The following CYREN variants were observed in gnomAD, a reference collection of about 807,000 sequenced individuals.
The protein encoded by CYREN is cell cycle regulator of NHEJ, also known as cell cycle regulator of non-homologous end joining.
In CYREN, 7 loss-of-function variants were observed where a neutral mutation model predicts 9.7. The ratio of observed to expected loss-of-function variants is 0.72; its 90% CI spans 0.41 to 1.36. CYREN has a LOEUF of 1.36. CYREN is among the 40% of genes most tolerant of loss of function. The pLI is 0.01. For synonymous variants in CYREN, 76 were observed against 77.9 expected, an observed-to-expected ratio of 0.98 and a Z score of 0.13; for missense variants, 215 against 198.1, an observed-to-expected ratio of 1.09 and a Z score of -0.51.
In CYREN at chr7:135,157,317, A is replaced by C. The variant is rs1004556837; in HGVS notation, n.356+11432T>G. ...ATGCCTGCAGTCGTGTGATCTTTCTATGACTTCTTCGGCATAGGGTCAGTG... is the reference window on the plus strand; with the variant it reads ...ATGCCTGCAGTCGTGTGATCTTTCTCTGACTTCTTCGGCATAGGGTCAGTG... On this transcript the variant is annotated intron_variant and non_coding_transcript_variant, in intron 2 of 2. Coordinates refer to the CYREN transcript ENST00000459937. 5.9e-5 allele frequency among the ~76,000 whole-genome samples: 9 copies of C among 152,200 alleles called. No individual in the cohort carries two copies. In the East Asian group the frequency reaches 1.5e-3, roughly 26 times the overall value.
intron 2 of CYREN, among the ~76,000 whole-genome samples, chr7:135,123,391 T>G (rs1827414609): frequency 6.6e-6 from 1 of 152,136 alleles, no homozygotes. Context: ...AATGTGGGAC[T>G]TCATAAAAAG....
At chr7:135,164,204 T>C (rs1830021395), downstream of CYREN, among the ~76,000 whole-genome samples, 1 of 152,268 alleles carries the variant, frequency 6.6e-6, no homozygotes, top group African/African-American at 2.4e-5. Context: ...GAGAGACTTT[T>C]CCTCCTGACC....
In CYREN at chr7:135,134,979, G is replaced by A. The variant is rs866294061; in HGVS notation, n.356+33770C>T. On this transcript the variant is annotated intron_variant and non_coding_transcript_variant, in intron 2 of 2. Coordinates refer to the CYREN transcript ENST00000459937. The stretch of plus-strand genomic sequence containing the variant: ...TCCAGTCTAAGCCCCACAGGTCATT[G>A]GAAAGTTTATCACCTCTCAAAGGCC... 5.2e-6 allele frequency: 8 copies of A among 1,551,142 alleles called. No individual in the cohort carries two copies. In the Middle Eastern group the frequency reaches 1.3e-3, roughly 259 times the overall value.
chr7:135,124,622 T>C (rs1040072933), intron 2 of CYREN, among the ~76,000 whole-genome samples: 1 of 152,238 alleles, frequency 6.6e-6, no homozygotes, highest in Non-Finnish European at 1.5e-5. Flanking sequence ...ATGGCACTTA[T>C]TCTAAAACTG....
intron 2 of CYREN, chr7:135,135,059 C>G (rs1333909762): frequency 6.4e-7 from 1 of 1,551,092 alleles, no homozygotes; most frequent in African/African-American, 1.4e-5. Context: ...GACATAAAAC[C>G]TCTCAGCAGC....
intron 2 of CYREN, chr7:135,115,784 T>G (rs1430930631): frequency 5.4e-6 from 3 of 560,124 alleles, no homozygotes; most frequent in Non-Finnish European, 9.4e-6. Flanking sequence ...ACTGGATAAA[T>G]GAAGGAGTAA....
chr7:135,166,426 G>T lies in CYREN; in HGVS notation c.*185C>A. The T allele has an allele frequency of 1.2e-6, 1 of 840,020 alleles. No homozygotes were observed. The highest frequency in any genetic ancestry group is 1.8e-6 in the Non-Finnish European group (1 of 570,884). 52.0% of individuals were successfully genotyped at this position (840,020 alleles called of 1,614,324 possible). On this transcript the variant is annotated 3_prime_UTR_variant, in exon 4 of 4. Coordinates refer to ENST00000393114, the MANE Select transcript of CYREN (RefSeq NM_024033.4). ...GTCCTGCCTTCCGCACACTCAGAAC[G>T]GCAGCCCCAAGGCCCGGAGTGTCCA...
chr7:135,171,665 A>G (rs930197928), upstream of CYREN, among the ~76,000 whole-genome samples: 6 of 152,208 alleles, frequency 3.9e-5, no homozygotes, highest in African/African-American at 1.4e-4. Flanking sequence ...TAGCTTGCCA[A>G]TGCTCCCAGC....
chr7:135,147,517 TA>T (rs1333055701), intron 2 of CYREN, among the ~76,000 whole-genome samples: 2 of 152,136 alleles, frequency 1.3e-5, no homozygotes, highest in Admixed American at 6.5e-5. Flanking sequence ...CTTACAAAAA[TA>T]AAAGCTTTGT....
rs533612388 is a variant in CYREN, at chr7:135,169,150, A to G, written c.-138-90T>C. ...GGTGCAGGGCAGGCCAGAAGTGACC[A>G]AGGCCCAAGAGACTCAGACGGCCAT... On this transcript the variant is annotated intron_variant, in intron 1 of 3. Coordinates refer to ENST00000393114, the MANE Select transcript of CYREN (RefSeq NM_024033.4). 6 of 419,968 alleles carry G rather than the reference A, an allele frequency of 1.4e-5. No homozygotes were observed. The South Asian group carries it at 2.1e-4, about 15-fold the overall frequency. The allele number at this position is 419,968 out of a possible 1,614,324, so 26.0% of individuals were successfully genotyped here.
intron 2 of CYREN, among the ~76,000 whole-genome samples, chr7:135,123,742 C>A (rs1333367759): frequency 1.3e-5 from 2 of 152,144 alleles, no homozygotes; most frequent in Non-Finnish European, 2.9e-5. Flanking sequence ...CAATATTCAA[C>A]ATTCTTAGAG....
chr7:135,164,693 G>C (rs968124667), downstream of CYREN: 24 of 1,614,070 alleles, frequency 1.5e-5, no homozygotes, highest in Non-Finnish European at 1.9e-5. Flanking sequence ...GCCTGGCCAG[G>C]CTTGGCGTGT....
At chr7:135,119,804 G>C (rs755402774) in intron 2 of CYREN, among the ~76,000 whole-genome samples, 73 of 152,150 alleles carry the variant, frequency 4.8e-4, no homozygotes, top group Non-Finnish European at 8.4e-4. Flanking sequence ...ATGAACCTGG[G>C]AGGCAGAGCT....
intron 2 of CYREN, chr7:135,115,496 C>G (rs964426294): frequency 1.3e-6 from 2 of 1,551,208 alleles, no homozygotes; most frequent in African/African-American, 2.7e-5. Context: ...AGGAATAGTT[C>G]AAACTCAAGA....
chr7:135,160,530 C>G (rs1050421915), intron 2 of CYREN, among the ~76,000 whole-genome samples: 1 of 152,158 alleles, frequency 6.6e-6, no homozygotes, highest in African/African-American at 2.4e-5. Flanking sequence ...CGAGGACTGA[C>G]TTCCACCCTC....
At position 135,151,678 on chromosome 7, in the gene CYREN, G is replaced by A. The variant is rs1467240299; in HGVS notation, n.356+17071C>T. ...CAGGCCCCAAGCCCTCTATATGTGAGTGAACTTCCTTCAGTCTCACAACAG... is the reference window on the plus strand; with the variant it reads ...CAGGCCCCAAGCCCTCTATATGTGAATGAACTTCCTTCAGTCTCACAACAG... On this transcript the variant is annotated intron_variant and non_coding_transcript_variant, in intron 2 of 2. Coordinates refer to the CYREN transcript ENST00000459937. This position sits in a 1 kb window ranked among gnomAD's most constrained non-coding sequence, Gnocchi z 4.3. Among the ~76,000 whole-genome samples, 1 of 152,204 alleles carries A rather than the reference G, an allele frequency of 6.6e-6. No individual in the cohort carries two copies. The highest frequency in any genetic ancestry group is 2.4e-5 in the African/African-American group (1 of 41,444).
At chr7:135,166,906 GTGTTTTATTTCCCTAACA>G (rs1830191560) in intron 3 of CYREN, 35 bp from the exon 4 acceptor site, 1 of 1,600,094 alleles carries the variant, frequency 6.2e-7, no homozygotes, top group East Asian at 2.2e-5. Flanking sequence ...CTCAACATAC[GTGTTTTATTTCCCTAACA>G]TGCTGATCTG....
chr7:135,121,759 GGAA>G (rs942067046), intron 2 of CYREN, among the ~76,000 whole-genome samples: 8 of 152,288 alleles, frequency 5.3e-5, no homozygotes, highest in African/African-American at 1.9e-4. Flanking sequence ...TCCACAGAGA[GGAA>G]GAACAGTGTA....
At position 135,107,976 on chromosome 7, in the gene CYREN, CTT is replaced by C. The variant is rs549582591; in HGVS notation, n.357-13396_357-13395del. Among the ~76,000 whole-genome samples, 193 of 149,476 alleles carry C rather than the reference CTT, an allele frequency of 1.3e-3. 3 individuals carry two copies. The highest frequency in any genetic ancestry group is 4.7e-3 in the African/African-American group (191 of 40,738). On this transcript the variant is annotated intron_variant and non_coding_transcript_variant, in intron 2 of 2. Coordinates refer to the CYREN transcript ENST00000459937. ...GATTACCATTATGTAATGTCTTTAT[CTT>C]TTTTTTTTATCTTTGTTGATTTAAA...
Sources: gnomAD v4.1 joint callset for allele counts (sites outside exome capture counted in the v4.1 genomes callset) on GRCh38, gnomAD v4.1.1 for gene constraint, Gnocchi (gnomAD v3.1) non-coding constraint, MANE v1.5 for transcripts, NCBI Gene and HGNC (gene_info 2026-07-23, HGNC 2026-07-21) for gene names.